Variants in KIAA0513 observed in about 807,000 individuals in gnomAD.
KIAA0513 encodes KIAA0513.
Under a neutral mutation model 56.5 loss-of-function variants are expected in KIAA0513, and 39 were observed. That is an observed-to-expected ratio of 0.69 (90% CI 0.53 to 0.90). The LOEUF is 0.90. Among genes scored for constraint, KIAA0513 ranks in the 40% least tolerant of loss-of-function variants. The pLI is 0.00. For synonymous variants in KIAA0513, 268 were observed against 215.6 expected (o/e 1.24, Z -2.13); for missense variants, 591 against 535.2 (o/e 1.10, Z -1.03).
intron 5 of KIAA0513, among the ~76,000 whole-genome samples, chr16:85,077,029 C>T (rs534081652): frequency 6.6e-6 from 1 of 152,162 alleles, no homozygotes. Context: ...TCCAGGCCCC[C>T]CCCCAACCCG....
rs769476353 is a variant in KIAA0513 at position 85,082,608 on chromosome 16, G to T, written c.1010+15G>T. ...GAGGAGAAGAGGTGTGTGTGTCCACGTGACTTTGTTCCATTTTACAGTGCG... is the reference window on the plus strand; with the variant it reads ...GAGGAGAAGAGGTGTGTGTGTCCACTTGACTTTGTTCCATTTTACAGTGCG... On this transcript the variant is annotated intron_variant, in intron 10 of 12. Transcript: ENST00000683363. The T allele has an allele frequency of 1.9e-6, 3 of 1,613,952 alleles. No individual in the cohort carries two copies. The highest frequency in any genetic ancestry group is 1.6e-4 in the Middle Eastern group (1 of 6,062).
chr16:85,071,766 T>TC lies in KIAA0513; in HGVS notation c.330-17_330-16insC. The TC allele has an allele frequency of 2.8e-6, 1 of 363,396 alleles. No homozygotes were observed. Among genetic ancestry groups the TC allele is most frequent in the Non-Finnish European group, 4.1e-6 (1 of 244,864 alleles). The allele number at this position is 363,396 out of a possible 1,614,324, so 22.5% of individuals were successfully genotyped here. A position where few individuals can be genotyped will look rare whatever the true frequency, so the allele number is the denominator to read the frequency against. The stretch of plus-strand genomic sequence containing the variant: ...GGTTTTTTTTTTTTTTCCTCTGCTC[T>TC]TTTTTTTTTTTTTTAGGGAGGACTT... On this transcript the variant is annotated splice_polypyrimidine_tract_variant and intron_variant, in intron 2 of 12. Transcript: ENST00000683363.
chr16:85,076,415 C>G lies in KIAA0513; in HGVS notation c.574+501C>G, dbSNP rs1052105392. The stretch of plus-strand genomic sequence containing the variant: ...GATGCTGAGGCTAGGACATCTCTTC[C>G]GCCTCATTGCGTTGGCACTTTCTCG... On this transcript the variant is annotated intron_variant, in intron 5 of 12. Coordinates refer to ENST00000683363, the MANE Select transcript of KIAA0513 (RefSeq NM_001388359.1). This position sits in a 1 kb window ranked among gnomAD's most constrained non-coding sequence, Gnocchi z 4.7. Among the ~76,000 whole-genome samples the G allele has an allele frequency of 6.6e-6, 1 of 152,096 alleles. No homozygotes were observed. The highest frequency in any genetic ancestry group is 6.5e-5 in the Admixed American group (1 of 15,276).
intron 1 of KIAA0513, among the ~76,000 whole-genome samples, chr16:85,040,272 G>A (rs891738444): frequency 2.6e-5 from 4 of 152,218 alleles, no homozygotes; most frequent in Non-Finnish European, 4.4e-5. Context: ...GGCATCTAGC[G>A]AGTGGAGGCC....
At chr16:85,086,605 C>T (rs1457274635) in intron 10 of KIAA0513, 39 bp from the exon 11 acceptor site, 3 of 1,588,468 alleles carry the variant, frequency 1.9e-6, no homozygotes, top group Admixed American at 1.7e-5. Context: ...AAGGACAGCA[C>T]CATCTGAGCC....
In KIAA0513 at chr16:85,090,944, C is replaced by G. The variant is rs1440106785; in HGVS notation, c.*2619C>G. 6.6e-6 allele frequency: 1 copy of G among 152,306 alleles called. No homozygotes were observed. The highest frequency in any genetic ancestry group is 1.5e-5 in the Non-Finnish European group (1 of 68,110). The allele number at this position is 152,306 out of a possible 1,614,324, so 9.4% of individuals were successfully genotyped here. A position where few individuals can be genotyped will look rare whatever the true frequency, so the allele number is the denominator to read the frequency against. On this transcript the variant is annotated 3_prime_UTR_variant, in exon 13 of 13. Coordinates refer to ENST00000683363, the MANE Select transcript of KIAA0513 (RefSeq NM_001388359.1). The stretch of plus-strand genomic sequence containing the variant: ...GAGCTGGGCTGTGGTGCAGAGCAAG[C>G]AGACCCAGCCACACTGCTCAAAGGT...
rs147260141 is a variant in KIAA0513, at chr16:85,073,055, C to T, written c.503+57C>T. 4,776 of 1,391,570 alleles carry T rather than the reference C, an allele frequency of 3.4e-3. 17 individuals carry two copies. Among genetic ancestry groups the T allele is most frequent in the Middle Eastern group, 0.017 (76 of 4,538 alleles). 86.2% of individuals were successfully genotyped at this position (1,391,570 alleles called of 1,614,324 possible). On this transcript the variant is annotated intron_variant, in intron 4 of 12. Coordinates refer to ENST00000683363, the MANE Select transcript of KIAA0513 (RefSeq NM_001388359.1). ...CTGGCAAGCTCCTCTTCCCTCCCTG[C>T]CTCCCTCCCCACCCAGCCGTGTCAT...
intron 1 of KIAA0513, among the ~76,000 whole-genome samples, chr16:85,041,710 A>C (rs1339489523): frequency 6.6e-6 from 1 of 152,078 alleles, no homozygotes. Flanking sequence ...AAATTCCCGG[A>C]CTTGGCACTG....
At chr16:85,088,232 G>T in intron 12 of KIAA0513, 44 bp from the exon 13 acceptor site, 3 of 1,583,396 alleles carry the variant, frequency 1.9e-6, no homozygotes, top group Non-Finnish European at 8.7e-7. Flanking sequence ...ACCTGTCCCT[G>T]TCACTGTCTT....
At chr16:85,055,435 C>T (rs2073314670) in intron 1 of KIAA0513, among the ~76,000 whole-genome samples, 1 of 152,298 alleles carries the variant, frequency 6.6e-6, no homozygotes, top group African/African-American at 2.4e-5. Flanking sequence ...ATTGTTTAGG[C>T]CATGTTCTGC....
intron 1 of KIAA0513, among the ~76,000 whole-genome samples, chr16:85,036,298 C>T (rs1311723312): frequency 6.6e-6 from 1 of 152,156 alleles, no homozygotes; most frequent in Non-Finnish European, 1.5e-5. Context: ...TCCATCACTC[C>T]ATCAACGAAA....
chr16:85,042,505 A>T (rs2073117272), intron 1 of KIAA0513, among the ~76,000 whole-genome samples: 1 of 152,150 alleles, frequency 6.6e-6, no homozygotes, highest in African/African-American at 2.4e-5. Flanking sequence ...TTATCTAGAC[A>T]CTTCCATCTT....
At chr16:85,086,250 C>T (rs796227715) in intron 10 of KIAA0513, among the ~76,000 whole-genome samples, 2 of 152,336 alleles carry the variant, frequency 1.3e-5, no homozygotes, top group African/African-American at 4.8e-5. Context: ...TGGGCAGGTC[C>T]CCTCCCTCTC....
chr16:85,079,201 G>A, intron 8 of KIAA0513, 198 bp downstream of exon 8: 1 of 1,179,778 alleles, frequency 8.5e-7, no homozygotes, highest in East Asian at 2.6e-5. Flanking sequence ...GTATGGCTAG[G>A]AGCAATGTAA....
chr16:85,068,232 C>G (rs954269740), intron 2 of KIAA0513, among the ~76,000 whole-genome samples: 2 of 151,964 alleles, frequency 1.3e-5, no homozygotes, highest in Non-Finnish European at 2.9e-5. Context: ...TTTCAGCTCA[C>G]TGCAACCTCC....
At chr16:85,080,006 C>T (rs891818475) in intron 8 of KIAA0513, among the ~76,000 whole-genome samples, 1 of 152,188 alleles carries the variant, frequency 6.6e-6, no homozygotes, top group Non-Finnish European at 1.5e-5. Flanking sequence ...GGCCCTCCCT[C>T]CCCTGAAGAT....
In KIAA0513 at chr16:85,086,710, C is replaced by G. The variant is rs769793564; in HGVS notation, c.1077C>G (p.Thr359=). 1.2e-6 allele frequency: 2 copies of G among 1,613,364 alleles called. No homozygotes were observed. The highest frequency in any genetic ancestry group is 1.7e-6 in the Non-Finnish European group (2 of 1,179,852). The change falls in exon 11 of 13, where the codon ACC becomes ACG. Residue 359 remains threonine, a synonymous_variant. Transcript: ENST00000683363. ...DDSLRFNENI[T]FGQLGTFTHN... is the part of the protein sequence containing the mutation. ...GCCTCCGGTTCAACGAGAACATCAC[C>G]TTCGGGCAGCTGGGGTAAGGGCCAG...
At chr16:85,040,291 C>T (rs1182317604) in intron 1 of KIAA0513, among the ~76,000 whole-genome samples, 2 of 152,162 alleles carry the variant, frequency 1.3e-5, no homozygotes, top group Non-Finnish European at 1.5e-5. Context: ...CCAGGAGTGC[C>T]CCAAGCATCC....
At chr16:85,040,141 G>A (rs1038131165) in intron 1 of KIAA0513, among the ~76,000 whole-genome samples, 3 of 152,162 alleles carry the variant, frequency 2.0e-5, no homozygotes, top group African/African-American at 7.2e-5. Flanking sequence ...GCCAGAGAAG[G>A]GTTTTCAACA....
Sources: gnomAD v4.1 joint callset for allele counts (sites outside exome capture counted in the v4.1 genomes callset) on GRCh38, gnomAD v4.1.1 for gene constraint, Gnocchi (gnomAD v3.1) non-coding constraint, MANE v1.5 for transcripts, NCBI Gene and HGNC (gene_info 2026-07-23, HGNC 2026-07-21) for gene names.